The following TNIK variants were observed in gnomAD, a reference collection of about 807,000 sequenced individuals.
The protein encoded by TNIK is TRAF2 and NCK interacting kinase, also known as TRAF2 and NCK-interacting protein kinase.
A neutral mutation model predicts 191.3 loss-of-function variants in TNIK; 49 were observed. The ratio of observed to expected loss-of-function variants is 0.26; its 90% CI spans 0.20 to 0.32. TNIK has a LOEUF of 0.32. Ranked by LOEUF, TNIK falls within the 10% of genes least tolerant of loss-of-function variation. TNIK has a pLI of 1.00. For synonymous variants in TNIK, 594 were observed against 600.9 expected (o/e 0.99, Z 0.17); for missense variants, 1,155 against 1,702.3 (o/e 0.68, Z 5.66).
At chr3:171,127,441 A>G (rs773718132) in intron 16 of TNIK, among the ~76,000 whole-genome samples, 3 of 151,360 alleles carry the variant, frequency 2.0e-5, no homozygotes, top group Admixed American at 1.3e-4. Flanking sequence ...ATAAAAAAAT[A>G]AAAAAAACCA....
At chr3:171,224,101 G>A (rs775001078) in intron 3 of TNIK, among the ~76,000 whole-genome samples, 1 of 152,148 alleles carries the variant, frequency 6.6e-6, no homozygotes, top group African/African-American at 2.4e-5. Flanking sequence ...GGGACCAATG[G>A]CAATGAGGTA....
chr3:171,410,010 G>C (rs1271704274), intron 1 of TNIK, among the ~76,000 whole-genome samples: 1 of 151,718 alleles, frequency 6.6e-6, no homozygotes, highest in Non-Finnish European at 1.5e-5. Context: ...CCACAATTTT[G>C]TACAAACAAG....
intron 2 of TNIK, among the ~76,000 whole-genome samples, chr3:171,247,474 G>T (rs1184721971): frequency 2.6e-5 from 4 of 152,180 alleles, no homozygotes; most frequent in Non-Finnish European, 4.4e-5. Context: ...TGAGACAGAA[G>T]ACTCGGGAAA....
chr3:171,362,926 G>T (rs1376400186), intron 2 of TNIK, among the ~76,000 whole-genome samples: 1 of 152,142 alleles, frequency 6.6e-6, no homozygotes, highest in Non-Finnish European at 1.5e-5. Flanking sequence ...CACATCTTGT[G>T]CCCATTCAGG....
Position 171,369,608 on chromosome 3 carries a change from C to A in TNIK, c.123+12G>T. 6.4e-7 allele frequency: 1 copy of A among 1,566,540 alleles called. No homozygotes were observed. The highest frequency in any genetic ancestry group is 2.3e-5 in the East Asian group (1 of 42,646). On this transcript the variant is annotated intron_variant, in intron 2 of 32. Transcript: ENST00000436636. ...ACCGTACATAAGCCACTCTCAGACT[C>A]AATGTACTTACCTTATAAACTTGCC...
At chr3:171,406,470 C>T (rs1463187869) in intron 1 of TNIK, among the ~76,000 whole-genome samples, 1 of 152,116 alleles carries the variant, frequency 6.6e-6, no homozygotes, top group Admixed American at 6.5e-5. Context: ...CACACTGTCA[C>T]CCAGACTGGA....
intron 15 of TNIK, among the ~76,000 whole-genome samples, chr3:171,137,108 CTTTTTTT>C (rs71176593): frequency 0.01 from 1,055 of 104,184 alleles, 14 homozygotes; most frequent in African/African-American, 0.034. Context: ...TTTAAAAATC[CTTTTTTT>C]TTTTTTTTTT....
At chr3:171,177,197 A>C (rs1248413010) in intron 8 of TNIK, 129 bp downstream of exon 8, 1 of 829,408 alleles carries the variant, frequency 1.2e-6, no homozygotes, top group Non-Finnish European at 1.7e-6. Context: ...CTGCTTTCTA[A>C]ATATGCCAGC....
chr3:171,408,050 T>A (rs1721937602), intron 1 of TNIK, among the ~76,000 whole-genome samples: 2 of 152,270 alleles, frequency 1.3e-5, no homozygotes, highest in East Asian at 3.9e-4. Context: ...ATGGGAATCA[T>A]AAGACAGTAT....
At chr3:171,263,628 C>T (rs1411650331) in intron 2 of TNIK, among the ~76,000 whole-genome samples, 2 of 151,822 alleles carry the variant, frequency 1.3e-5, no homozygotes, top group Non-Finnish European at 2.9e-5. Context: ...GGAATTTTTC[C>T]TTTAGGAAAA....
chr3:171,141,143 G>C (rs1359924756), intron 12 of TNIK, among the ~76,000 whole-genome samples: 1 of 152,034 alleles, frequency 6.6e-6, no homozygotes, highest in Non-Finnish European at 1.5e-5. Context: ...CATCATCATC[G>C]TCATCGTCAA....
chr3:171,314,151 G>A (rs1754344256), intron 2 of TNIK, among the ~76,000 whole-genome samples: 1 of 152,152 alleles, frequency 6.6e-6, no homozygotes, highest in African/African-American at 2.4e-5. Context: ...AGGTGAGGAT[G>A]GCTATGCTTT....
intron 1 of TNIK, among the ~76,000 whole-genome samples, chr3:171,432,307 TAGAG>T (rs1725480716): frequency 1.3e-5 from 2 of 151,954 alleles, no homozygotes; most frequent in Admixed American, 1.3e-4. Flanking sequence ...GAAAAGGTGA[TAGAG>T]AGGGAACATA....
chr3:171,431,239 TTATCCCCCA>T (rs1356251283), intron 1 of TNIK, among the ~76,000 whole-genome samples: 1 of 151,992 alleles, frequency 6.6e-6, no homozygotes, highest in Non-Finnish European at 1.5e-5. Context: ...TATGCTCCAT[TTATCCCCCA>T]TATCAACAAA....
intron 26 of TNIK, 24 bp downstream of exon 26, chr3:171,084,131 A>G (rs1187912166): frequency 4.0e-6 from 6 of 1,489,160 alleles, no homozygotes; most frequent in Non-Finnish European, 5.3e-6. Context: ...TTTAAAAAAA[A>G]AAAAAAAAAA....
intron 18 of TNIK, among the ~76,000 whole-genome samples, chr3:171,123,284 G>T (rs1728008581): frequency 6.6e-6 from 1 of 152,186 alleles, no homozygotes; most frequent in African/African-American, 2.4e-5. Context: ...ATGCTTTAGG[G>T]CATTGCAACC....
chr3:171,079,747 G>A (rs1278029094), intron 27 of TNIK, 95 bp from the exon 28 acceptor site: 41 of 1,011,896 alleles, frequency 4.1e-5, no homozygotes, highest in Admixed American at 7.6e-5. Context: ...TTTTATTTAC[G>A]TGTGTGTGTG....
chr3:171,150,553 G>A (rs1178063859), intron 12 of TNIK, among the ~76,000 whole-genome samples: 1 of 152,202 alleles, frequency 6.6e-6, no homozygotes. Flanking sequence ...GCAGCCACTT[G>A]GTGGCAATGA....
intron 18 of TNIK, among the ~76,000 whole-genome samples, chr3:171,112,564 A>G (rs1328824934): frequency 1.3e-5 from 2 of 152,214 alleles, no homozygotes; most frequent in Non-Finnish European, 2.9e-5. Context: ...ATATTTTACT[A>G]TTGTACATGA....
Sources: gnomAD v4.1 joint callset for allele counts (sites outside exome capture counted in the v4.1 genomes callset) on GRCh38, gnomAD v4.1.1 for gene constraint, MANE v1.5 for transcripts, NCBI Gene and HGNC (gene_info 2026-07-23, HGNC 2026-07-21) for gene names.